Variants in NUMB observed in about 807,000 individuals in gnomAD.
NUMB encodes the protein protein numb homolog.
NUMB carries 29 observed loss-of-function variants against 59.7 expected under a neutral mutation model. The ratio of observed to expected loss-of-function variants is 0.49; its 90% CI spans 0.36 to 0.66. The LOEUF is 0.66. NUMB is among the 30% of genes least tolerant of loss of function. The probability of loss-of-function intolerance (pLI) is 0.00; values close to 1 mark genes in which losing one functional copy is unlikely to be tolerated. For synonymous variants in NUMB, 288 were observed against 288.2 expected (o/e 1.00, Z 0.01); for missense variants, 723 against 822.0 (o/e 0.88, Z 1.47).
At chr14:73,440,071 CAA>C (rs1189295822) in intron 1 of NUMB, among the ~76,000 whole-genome samples, 3 of 151,924 alleles carry the variant, frequency 2.0e-5, no homozygotes, top group African/African-American at 7.3e-5. Flanking sequence ...CACTCTAGAC[CAA>C]AAGGCCAACA....
intron 6 of NUMB, among the ~76,000 whole-genome samples, chr14:73,308,734 A>G (rs987494119): frequency 1.6e-4 from 24 of 152,366 alleles, no homozygotes; most frequent in African/African-American, 5.5e-4. Context: ...GATCATTAAC[A>G]GGTGTAGGCT....
chr14:73,378,602 G>C (rs1895084475), intron 2 of NUMB, among the ~76,000 whole-genome samples: 1 of 152,156 alleles, frequency 6.6e-6, no homozygotes, highest in Non-Finnish European at 1.5e-5. Context: ...GCTATGAAAA[G>C]ACATGGAGGA....
chr14:73,374,979 C>A (rs1297695672), intron 2 of NUMB, among the ~76,000 whole-genome samples: 1 of 151,828 alleles, frequency 6.6e-6, no homozygotes, highest in Non-Finnish European at 1.5e-5. Context: ...CTTCGGACAC[C>A]CAAAGTGCGT....
At chr14:73,294,999 G>A (rs1889676035) in intron 7 of NUMB, among the ~76,000 whole-genome samples, 1 of 123,208 alleles carries the variant, frequency 8.1e-6, no homozygotes. Context: ...GGCTGAGGCT[G>A]CAGTGAACTA....
At chr14:73,405,886 A>T (rs1205514624) in intron 2 of NUMB, among the ~76,000 whole-genome samples, 1 of 152,020 alleles carries the variant, frequency 6.6e-6, no homozygotes, top group Non-Finnish European at 1.5e-5. Flanking sequence ...TGCATCTGAT[A>T]CCAATTGGCA....
At position 73,398,411 on chromosome 14, in the gene NUMB, A is replaced by T. The variant is rs576211426; in HGVS notation, c.-101+11526T>A. Among the ~76,000 whole-genome samples the T allele has an allele frequency of 1.9e-3, 201 of 104,104 alleles. 3 individuals carry two copies. The East Asian group carries it at 0.033, about 17-fold the overall frequency. 68.3% of individuals were successfully genotyped at this position (104,104 alleles called of 152,430 possible). A position where few individuals can be genotyped will look rare whatever the true frequency, so the allele number is the denominator to read the frequency against. On this transcript the variant is annotated intron_variant, in intron 2 of 12. Coordinates refer to ENST00000555238, the MANE Select transcript of NUMB (RefSeq NM_001005743.2). ...CACACACAGAGAGAGAGAGAGAGAG[A>T]GAGAGTGTGTGTGTGTGTGTGTGTG...
chr14:73,353,072 G>GTTTTTCTTTTTTTTTT (rs71450219), intron 4 of NUMB, among the ~76,000 whole-genome samples: 1,393 of 58,448 alleles, frequency 0.024, 283 homozygotes, highest in East Asian at 0.046. Context: ...AGTTTTTCTT[G>GTTTTTCTTTTTTTTTT]TTTTTTTTTT....
chr14:73,374,646 C>T (rs953353659), intron 2 of NUMB, among the ~76,000 whole-genome samples: 3 of 151,556 alleles, frequency 2.0e-5, no homozygotes, highest in Admixed American at 6.6e-5. Context: ...GGGAGATTGG[C>T]ATAGGCAACA....
chr14:73,290,405 A>G (rs1889314749), intron 8 of NUMB, among the ~76,000 whole-genome samples: 1 of 152,240 alleles, frequency 6.6e-6, no homozygotes, highest in Admixed American at 6.5e-5. Context: ...TTCTCCATTT[A>G]TAGAAGTGTA....
intron 3 of NUMB, among the ~76,000 whole-genome samples, chr14:73,357,889 C>CA (rs1242148605): frequency 2.8e-5 from 3 of 105,992 alleles, no homozygotes; most frequent in South Asian, 2.3e-4. Flanking sequence ...GAGGCCCCCC[C>CA]CAAAAAAAAA....
At chr14:73,329,440 G>A (rs1320659187) in intron 4 of NUMB, among the ~76,000 whole-genome samples, 1 of 152,092 alleles carries the variant, frequency 6.6e-6, no homozygotes, top group African/African-American at 2.4e-5. Context: ...TGAAATTTCA[G>A]CTTGAGCTTC....
intron 1 of NUMB, among the ~76,000 whole-genome samples, chr14:73,438,397 G>A (rs1013199468): frequency 5.3e-5 from 8 of 152,042 alleles, no homozygotes; most frequent in African/African-American, 1.7e-4. Context: ...TTGGGAGGCC[G>A]AGGCAGGTGG....
At position 73,309,744 on chromosome 14, in the gene NUMB, TAATAATAATAATAAA is replaced by T. The variant is rs910913588; in HGVS notation, c.234+6631_234+6645del. Among the ~76,000 whole-genome samples, 46 of 145,122 alleles carry T rather than the reference TAATAATAATAATAAA, an allele frequency of 3.2e-4. 1 individual carries two copies. Among genetic ancestry groups the T allele is most frequent in the Admixed American group, 1.0e-3 (15 of 14,650 alleles). Reference sequence around the variant, plus strand: ...ATAATAATAATAATAATAATAATAATAATAATAATAATAAAAATAGGATCCAGAATGAAGATAAGC... The same window carrying T: ...ATAATAATAATAATAATAATAATAATAATAGGATCCAGAATGAAGATAAGC... On this transcript the variant is annotated intron_variant, in intron 6 of 12. Coordinates refer to ENST00000555238, the MANE Select transcript of NUMB (RefSeq NM_001005743.2).
chr14:73,366,839 T>C (rs2140045045), intron 3 of NUMB, 58 bp downstream of exon 3: 1 of 152,366 alleles, frequency 6.6e-6, no homozygotes, highest in East Asian at 1.9e-4. Context: ...CACAGGTTGA[T>C]ACTTCACAGC....
intron 2 of NUMB, among the ~76,000 whole-genome samples, chr14:73,383,832 A>G (rs1895367398): frequency 6.6e-6 from 1 of 152,106 alleles, no homozygotes; most frequent in African/African-American, 2.4e-5. Flanking sequence ...CCTGGCCAAC[A>G]TGGTAAAACC....
chr14:73,330,534 G>A (rs906784498), intron 4 of NUMB, among the ~76,000 whole-genome samples: 14 of 152,152 alleles, frequency 9.2e-5, no homozygotes, highest in Non-Finnish European at 1.6e-4. Context: ...TACACGACTT[G>A]TCTGTGTATT....
chr14:73,440,394 G>C (rs1342228700), intron 1 of NUMB, among the ~76,000 whole-genome samples: 1 of 151,834 alleles, frequency 6.6e-6, no homozygotes, highest in East Asian at 1.9e-4. Context: ...TTAAATGTAA[G>C]AGCCAACTCT....
chr14:73,355,903 C>A, intron 3 of NUMB, 137 bp from the exon 4 acceptor site: 1 of 603,308 alleles, frequency 1.7e-6, no homozygotes. Context: ...ATATAATTAT[C>A]ATGTAAGCAC....
intron 1 of NUMB, among the ~76,000 whole-genome samples, chr14:73,423,895 G>A (rs941939392): frequency 6.6e-6 from 1 of 150,820 alleles, no homozygotes; most frequent in Admixed American, 6.6e-5. Flanking sequence ...GAACCCGGGA[G>A]GCGGAGGTTG....
Sources: gnomAD v4.1 joint callset for allele counts (sites outside exome capture counted in the v4.1 genomes callset) on GRCh38, gnomAD v4.1.1 for gene constraint, MANE v1.5 for transcripts, NCBI Gene and HGNC (gene_info 2026-07-23, HGNC 2026-07-21) for gene names.